The following WWOX variants were observed in gnomAD, a reference collection of about 807,000 sequenced individuals.
The protein encoded by WWOX is WW domain containing oxidoreductase.
In WWOX, 69 loss-of-function variants were observed where a neutral mutation model predicts 46.2. The observed-to-expected ratio is 1.49, with a 90% confidence interval of 1.23 to 1.82. The LOEUF (loss-of-function observed/expected upper bound fraction) is 1.82. Ranked by LOEUF, WWOX falls within the 40% of genes most tolerant of loss-of-function variation. The probability of loss-of-function intolerance (pLI) is 0.00; values close to 1 mark genes in which losing one functional copy is unlikely to be tolerated. For missense variants in WWOX, 919 were observed against 542.6 expected (o/e 1.69, Z -6.89); for synonymous variants, 359 against 202.6 (o/e 1.77, Z -6.56).
chr16:79,194,531 G>A (rs2150815516), intron 8 of WWOX, among the ~76,000 whole-genome samples: 1 of 152,212 alleles, frequency 6.6e-6, no homozygotes, highest in Non-Finnish European at 1.5e-5. Flanking sequence ...AAGTTTCCTG[G>A]CCCATATGAG....
Position 78,930,595 on chromosome 16 carries a change from CTTTT to C in WWOX, c.1057-281000_1057-280997del, listed in dbSNP as rs534091390. 2.3e-3 allele frequency among the ~76,000 whole-genome samples: 322 copies of C among 139,550 alleles called. 11 individuals are homozygous for C. The highest frequency in any genetic ancestry group is 0.022 in the Admixed American group (303 of 13,730). The allele number at this position is 139,550 out of a possible 152,430, so 91.6% of individuals were successfully genotyped here. A position where few individuals can be genotyped will look rare whatever the true frequency, so the allele number is the denominator to read the frequency against. On this transcript the variant is annotated intron_variant, in intron 8 of 8. Coordinates refer to ENST00000566780, the MANE Select transcript of WWOX (RefSeq NM_016373.4). ...CATAGGCTGCTGCACCAGGCAAGGA[CTTTT>C]TTTTTTTTTTTTAAACAAACTTCAC... is the stretch of plus-strand genomic sequence containing the variant.
chr16:78,976,742 C>T lies in WWOX; in HGVS notation c.1057-234866C>T, dbSNP rs148681377. ...AGATACTACTTCTATCTTCCCCACTCTAGGTCTTTTTACTGCAACTACCGT... is the reference window on the plus strand; with the variant it reads ...AGATACTACTTCTATCTTCCCCACTTTAGGTCTTTTTACTGCAACTACCGT... On this transcript the variant is annotated intron_variant, in intron 8 of 8. Transcript: ENST00000566780. 4.7e-4 allele frequency among the ~76,000 whole-genome samples: 72 copies of T among 152,308 alleles called. No homozygotes were observed. In the East Asian group the frequency reaches 0.013, roughly 28 times the overall value.
intron 8 of WWOX, among the ~76,000 whole-genome samples, chr16:79,179,473 C>G (rs565378957): frequency 6.6e-6 from 1 of 152,318 alleles, no homozygotes; most frequent in African/African-American, 2.4e-5. Flanking sequence ...CCAGTCCGAA[C>G]CAAGGGAAAA....
chr16:79,033,189 T>C lies in WWOX; in HGVS notation c.1057-178419T>C, dbSNP rs892529810. Among the ~76,000 whole-genome samples the C allele has an allele frequency of 1.2e-4, 17 of 140,030 alleles. No homozygotes were observed. In the Admixed American group the frequency reaches 1.2e-3, roughly 10 times the overall value. 91.9% of individuals were successfully genotyped at this position (140,030 alleles called of 152,430 possible). ...TAAAATATATATTATGTATAGATAA[T>C]TTATATATAAATATGTGTATATATA... On this transcript the variant is annotated intron_variant, in intron 8 of 8. Coordinates refer to ENST00000566780, the MANE Select transcript of WWOX (RefSeq NM_016373.4).
intron 8 of WWOX, among the ~76,000 whole-genome samples, chr16:78,620,278 G>C (rs2046144434): frequency 6.6e-6 from 1 of 152,198 alleles, no homozygotes; most frequent in Non-Finnish European, 1.5e-5. Flanking sequence ...TACAGAAGAG[G>C]ATTGGCCCAT....
chr16:78,701,809 C>T (rs1342639103), intron 8 of WWOX, among the ~76,000 whole-genome samples: 1 of 151,680 alleles, frequency 6.6e-6, no homozygotes, highest in Non-Finnish European at 1.5e-5. Context: ...TCTGGGGACA[C>T]ATCTTGAGTT....
chr16:78,785,641 G>T (rs74031429), intron 8 of WWOX, among the ~76,000 whole-genome samples: 1 of 151,940 alleles, frequency 6.6e-6, no homozygotes, highest in Non-Finnish European at 1.5e-5. Context: ...TTTTTGCTGC[G>T]CTATTATATC....
At chr16:78,229,859 T>A (rs2037194873) in intron 5 of WWOX, among the ~76,000 whole-genome samples, 1 of 152,098 alleles carries the variant, frequency 6.6e-6, no homozygotes, top group Non-Finnish European at 1.5e-5. Flanking sequence ...TCTTTTCATT[T>A]CTTGTGTATA....
chr16:78,820,680 G>C (rs1300634145), intron 8 of WWOX, among the ~76,000 whole-genome samples: 1 of 152,124 alleles, frequency 6.6e-6, no homozygotes, highest in Non-Finnish European at 1.5e-5. Context: ...CCACGTGTAT[G>C]TGTTTCCTGG....
intron 6 of WWOX, among the ~76,000 whole-genome samples, chr16:78,400,618 C>T (rs987985040): frequency 1.3e-5 from 2 of 151,914 alleles, no homozygotes; most frequent in Admixed American, 1.3e-4. Context: ...TCTTACCATC[C>T]TAAGGAGGGA....
chr16:78,572,915 A>T (rs2044754379), intron 8 of WWOX, among the ~76,000 whole-genome samples: 1 of 152,146 alleles, frequency 6.6e-6, no homozygotes, highest in Non-Finnish European at 1.5e-5. Flanking sequence ...TAAAGTGTAC[A>T]CACATTGCTT....
intron 7 of WWOX, among the ~76,000 whole-genome samples, chr16:78,430,524 A>G (rs149594876): frequency 7.2e-5 from 11 of 152,244 alleles, no homozygotes; most frequent in African/African-American, 1.4e-4. Context: ...GCAATACATC[A>G]TGTGCATTGC....
chr16:79,053,745 C>T (rs928869068), intron 8 of WWOX, among the ~76,000 whole-genome samples: 1 of 152,150 alleles, frequency 6.6e-6, no homozygotes, highest in Admixed American at 6.5e-5. Flanking sequence ...GCTTGGGAAG[C>T]TGTACCTTAA....
chr16:78,927,959 A>G (rs886435684), intron 8 of WWOX, among the ~76,000 whole-genome samples: 2 of 151,950 alleles, frequency 1.3e-5, no homozygotes, highest in African/African-American at 4.8e-5. Flanking sequence ...AAAACTGAAT[A>G]AACAATCTCA....
chr16:78,772,771 C>T (rs112709338), intron 8 of WWOX, among the ~76,000 whole-genome samples: 11 of 152,228 alleles, frequency 7.2e-5, no homozygotes, highest in South Asian at 4.1e-4. Context: ...GTAATCTCAG[C>T]GCTTTGTGGG....
intron 8 of WWOX, among the ~76,000 whole-genome samples, chr16:78,925,692 T>A (rs149840480): frequency 6.6e-6 from 1 of 152,312 alleles, no homozygotes; most frequent in East Asian, 1.9e-4. Flanking sequence ...TGCCAAGATT[T>A]GAGAAGGGAA....
At chr16:78,829,019 C>G (rs2051738252) in intron 8 of WWOX, among the ~76,000 whole-genome samples, 1 of 152,188 alleles carries the variant, frequency 6.6e-6, no homozygotes, top group Non-Finnish European at 1.5e-5. Context: ...CTTCTCCTTG[C>G]CATTCCACCC....
chr16:78,481,070 C>G (rs1938060273), intron 8 of WWOX, among the ~76,000 whole-genome samples: 1 of 152,164 alleles, frequency 6.6e-6, no homozygotes, highest in Non-Finnish European at 1.5e-5. Context: ...AAACAAAAAT[C>G]TAAATTAGCA....
intron 6 of WWOX, among the ~76,000 whole-genome samples, chr16:78,418,176 T>C (rs1254018282): frequency 1.3e-5 from 2 of 151,964 alleles, no homozygotes; most frequent in African/African-American, 2.4e-5. Context: ...CTGGCTAACA[T>C]GGTGAAACCC....
Sources: gnomAD v4.1 joint callset for allele counts (sites outside exome capture counted in the v4.1 genomes callset) on GRCh38, gnomAD v4.1.1 for gene constraint, MANE v1.5 for transcripts, NCBI Gene and HGNC (gene_info 2026-07-23, HGNC 2026-07-21) for gene names.